The following SHANK2 variants were observed in gnomAD, a reference collection of about 807,000 sequenced individuals.
SHANK2 encodes the protein SH3 and multiple ankyrin repeat domains 2.
In SHANK2, 43 loss-of-function variants were observed where a neutral mutation model predicts 133.7. That is an observed-to-expected ratio of 0.32 (90% CI 0.25 to 0.41). The LOEUF (loss-of-function observed/expected upper bound fraction) is 0.41. Among genes scored for constraint, SHANK2 ranks in the 10% least tolerant of loss-of-function variants. The pLI is 1.00. For missense variants in SHANK2, 1,994 were observed against 2,235.8 expected, an observed-to-expected ratio of 0.89 and a Z score of 2.18; for synonymous variants, 1,017 against 952.8, an observed-to-expected ratio of 1.07 and a Z score of -1.24.
At chr11:70,700,934 T>C (rs1945504772) in intron 14 of SHANK2, among the ~76,000 whole-genome samples, 1 of 152,210 alleles carries the variant, frequency 6.6e-6, no homozygotes, top group Admixed American at 6.5e-5. Flanking sequence ...TTCCCTAGGG[T>C]TAAACAGAGT....
intron 10 of SHANK2, among the ~76,000 whole-genome samples, chr11:70,906,353 T>C (rs547400401): frequency 2.6e-4 from 39 of 152,262 alleles, no homozygotes; most frequent in African/African-American, 9.1e-4. Context: ...GTGGACTTGC[T>C]GCAGTGCCCA....
chr11:70,565,407 G>A (rs1255822693), intron 17 of SHANK2, among the ~76,000 whole-genome samples: 5 of 152,166 alleles, frequency 3.3e-5, no homozygotes, highest in South Asian at 4.1e-4. Flanking sequence ...CACCATGCCC[G>A]GCTAATTTTT....
At chr11:71,073,401 G>T (rs896405829) in intron 9 of SHANK2, among the ~76,000 whole-genome samples, 1 of 151,590 alleles carries the variant, frequency 6.6e-6, no homozygotes, top group Non-Finnish European at 1.5e-5. Flanking sequence ...CAAGCAATCC[G>T]CCTGCCTTGG....
chr11:70,860,957 C>G (rs1949249071), intron 11 of SHANK2, among the ~76,000 whole-genome samples: 1 of 152,198 alleles, frequency 6.6e-6, no homozygotes, highest in African/African-American at 2.4e-5. Flanking sequence ...CCGCGTGCAT[C>G]TCAGGGGATA....
At chr11:70,522,459 T>C (rs548993306) in intron 17 of SHANK2, among the ~76,000 whole-genome samples, 157 of 152,368 alleles carry the variant, frequency 1.0e-3, no homozygotes, top group South Asian at 7.5e-3. Context: ...GCCACACTTC[T>C]GCACGTGCAG....
At chr11:70,821,653 G>A (rs572257984) in intron 11 of SHANK2, among the ~76,000 whole-genome samples, 222 of 152,098 alleles carry the variant, frequency 1.5e-3, no homozygotes, top group Non-Finnish European at 2.0e-3. Context: ...TCGAACTCCC[G>A]ATCTTGTGAT....
rs539590826 is a variant in SHANK2, at chr11:71,118,757, T to C, written c.411+72A>G. On this transcript the variant is annotated intron_variant, in intron 4 of 25. Transcript: ENST00000601538. ...TGGAATTGGTCTCGCCCCACCACCA[T>C]GTCTCCCCCACCCACCATGGCATCC... The C allele has an allele frequency of 4.0e-4, 532 of 1,320,736 alleles. 2 individuals carry two copies. Among genetic ancestry groups the C allele is most frequent in the Non-Finnish European group, 4.5e-4 (437 of 977,544 alleles). 81.8% of individuals were successfully genotyped at this position (1,320,736 alleles called of 1,614,324 possible).
intron 2 of SHANK2, among the ~76,000 whole-genome samples, chr11:71,195,446 A>G (rs782320374): frequency 6.6e-6 from 1 of 152,250 alleles, no homozygotes; most frequent in Non-Finnish European, 1.5e-5. Flanking sequence ...CAAAATATGC[A>G]GGTGAATGAT....
chr11:70,700,953 A>G (rs1202395514), intron 14 of SHANK2, among the ~76,000 whole-genome samples: 1 of 152,246 alleles, frequency 6.6e-6, no homozygotes, highest in Non-Finnish European at 1.5e-5. Flanking sequence ...GTAGCTCACA[A>G]TGCCAATGAA....
At chr11:70,620,383 A>C (rs1344532735) in intron 17 of SHANK2, among the ~76,000 whole-genome samples, 2 of 152,166 alleles carry the variant, frequency 1.3e-5, no homozygotes, top group Admixed American at 6.5e-5. Context: ...GGAGAAATGG[A>C]GATTTTGGTG....
chr11:70,502,106 G>T lies in SHANK2; in HGVS notation c.2278+100C>A. The T allele has an allele frequency of 2.2e-6, 3 of 1,378,468 alleles. No individual in the cohort carries two copies. In the South Asian group the frequency reaches 3.7e-5, roughly 17 times the overall value. The allele number at this position is 1,378,468 out of a possible 1,614,324, so 85.4% of individuals were successfully genotyped here. A position where few individuals can be genotyped will look rare whatever the true frequency, so the allele number is the denominator to read the frequency against. ...TGGGTACAGGGGCAGGAGGGGGGTA[G>T]CGAGCAAGCGTGGGGTCATGCACAG... On this transcript the variant is annotated intron_variant, in intron 19 of 25. Coordinates refer to ENST00000601538, the MANE Select transcript of SHANK2 (RefSeq NM_012309.5).
At chr11:71,116,386 G>C (rs1002371224) in intron 4 of SHANK2, among the ~76,000 whole-genome samples, 3 of 152,244 alleles carry the variant, frequency 2.0e-5, no homozygotes, top group Admixed American at 6.5e-5. Flanking sequence ...ATACACTGCA[G>C]GAAACAATGC....
chr11:70,577,872 C>A (rs1190331903), intron 17 of SHANK2, among the ~76,000 whole-genome samples: 1 of 152,206 alleles, frequency 6.6e-6, no homozygotes, highest in Non-Finnish European at 1.5e-5. Context: ...AGGGTGGGCC[C>A]TGACCTAGTA....
intron 9 of SHANK2, among the ~76,000 whole-genome samples, chr11:71,062,060 G>A (rs1055400066): frequency 3.6e-5 from 5 of 138,926 alleles, no homozygotes; most frequent in African/African-American, 1.3e-4. Context: ...AGGCCCAAGC[G>A]ATCCTCCACC....
intron 17 of SHANK2, among the ~76,000 whole-genome samples, chr11:70,581,953 G>A (rs1212605196): frequency 2.0e-5 from 3 of 152,250 alleles, no homozygotes; most frequent in Non-Finnish European, 4.4e-5. Flanking sequence ...GGTTGGGGCC[G>A]TAAATGTTTG....
intron 6 of SHANK2, among the ~76,000 whole-genome samples, chr11:71,099,736 T>A (rs1555096302): frequency 1.3e-5 from 2 of 152,124 alleles, no homozygotes; most frequent in African/African-American, 2.4e-5. Flanking sequence ...ACACCGTATG[T>A]CATTAGGGAA....
intron 2 of SHANK2, among the ~76,000 whole-genome samples, chr11:71,184,843 C>T (rs981836942): frequency 6.6e-6 from 1 of 152,234 alleles, no homozygotes; most frequent in Non-Finnish European, 1.5e-5. Flanking sequence ...TAAGACCAAG[C>T]TGTTGACTGG....
In SHANK2 at chr11:70,485,286, T is replaced by G; in HGVS notation, c.4979+28A>C. The G allele has an allele frequency of 6.3e-7, 1 of 1,579,962 alleles. No homozygotes were observed. Among genetic ancestry groups the G allele is most frequent in the South Asian group, 1.1e-5 (1 of 90,372 alleles). Reference sequence around the variant, plus strand: ...AGCAGGGACAGTGCACGCAGAGCGGTGTGCATGTGCACCAACCGCGGACTT... The same window carrying G: ...AGCAGGGACAGTGCACGCAGAGCGGGGTGCATGTGCACCAACCGCGGACTT... On this transcript the variant is annotated intron_variant, in intron 25 of 25. Coordinates refer to ENST00000601538, the MANE Select transcript of SHANK2 (RefSeq NM_012309.5). The surrounding 1 kb of genome is among the most constrained non-coding windows in gnomAD (Gnocchi z 5.8).
chr11:70,601,068 T>TCTATATCTATATCTATATCTATATCTATA (rs781966152), intron 17 of SHANK2, among the ~76,000 whole-genome samples: 1 of 147,364 alleles, frequency 6.8e-6, no homozygotes, highest in African/African-American at 2.5e-5. Context: ...TATATCTATA[T>TCTATATCTATATCTATATCTATATCTATA]TTGAGATGGA....
Sources: allele counts gnomAD v4.1 joint callset (sites outside exome capture counted in the v4.1 genomes callset), GRCh38; gene constraint gnomAD v4.1.1; non-coding constraint Gnocchi (gnomAD v3.1); transcripts MANE v1.5; gene names NCBI Gene and HGNC (gene_info 2026-07-23, HGNC 2026-07-21).